The following FNDC3B variants were observed in gnomAD, a reference collection of about 807,000 sequenced individuals.
The protein encoded by FNDC3B is fibronectin type III domain containing 3B, also known as fibronectin type III domain-containing protein 3B.
Under a neutral mutation model 151.5 loss-of-function variants are expected in FNDC3B, and 12 were observed. The observed-to-expected ratio is 0.08, with a 90% CI of 0.05 to 0.13. The LOEUF (loss-of-function observed/expected upper bound fraction) is 0.13, where lower values mean the gene tolerates loss of function less well. FNDC3B is among the 10% of genes least tolerant of loss of function. The probability of loss-of-function intolerance (pLI) is 1.00; values close to 1 mark genes in which losing one functional copy is unlikely to be tolerated. For missense variants in FNDC3B, 1,214 were observed against 1,505.3 expected (o/e 0.81, Z 3.20); for synonymous variants, 528 against 549.0 (o/e 0.96, Z 0.54).
intron 24 of FNDC3B, 44 bp from the exon 25 acceptor site, chr3:172,380,922 G>T: frequency 2.5e-6 from 4 of 1,605,414 alleles, no homozygotes; most frequent in South Asian, 1.1e-5. Flanking sequence ...CTATTAACAT[G>T]ATACTTTGAA....
intron 3 of FNDC3B, among the ~76,000 whole-genome samples, chr3:172,175,708 C>T (rs1723547420): frequency 6.6e-6 from 1 of 151,984 alleles, no homozygotes. Flanking sequence ...CACAGAAAAC[C>T]CTAAATCTAA....
chr3:172,301,564 C>T (rs142217694), intron 9 of FNDC3B: 5 of 152,288 alleles, frequency 3.3e-5, no homozygotes, highest in Non-Finnish European at 5.9e-5. Flanking sequence ...TACTGGACAG[C>T]TGCAAAATAA....
At chr3:172,224,444 T>A (rs1159929410) in intron 3 of FNDC3B, among the ~76,000 whole-genome samples, 1 of 152,252 alleles carries the variant, frequency 6.6e-6, no homozygotes, top group Non-Finnish European at 1.5e-5. Context: ...GACCAGATAG[T>A]TGAGTGATTT....
intron 1 of FNDC3B, among the ~76,000 whole-genome samples, chr3:172,054,707 G>T (rs1276065425): frequency 6.6e-6 from 1 of 152,104 alleles, no homozygotes; most frequent in Non-Finnish European, 1.5e-5. Flanking sequence ...TGCTAAAAAT[G>T]CCCCTGAACA....
chr3:172,291,172 G>C (rs187378012), intron 7 of FNDC3B, among the ~76,000 whole-genome samples: 1 of 152,176 alleles, frequency 6.6e-6, no homozygotes, highest in Admixed American at 6.5e-5. Context: ...TATGGATTAC[G>C]TATCAAATAG....
At chr3:172,181,943 G>A (rs1406074395) in intron 3 of FNDC3B, among the ~76,000 whole-genome samples, 1 of 151,992 alleles carries the variant, frequency 6.6e-6, no homozygotes, top group East Asian at 1.9e-4. Flanking sequence ...ACAAATGAAG[G>A]ATGTACGTTA....
chr3:172,101,451 G>A (rs943803311), intron 1 of FNDC3B, among the ~76,000 whole-genome samples: 1 of 152,190 alleles, frequency 6.6e-6, no homozygotes, highest in East Asian at 1.9e-4. Flanking sequence ...CCACCACAAA[G>A]TGGGTACACA....
intron 3 of FNDC3B, among the ~76,000 whole-genome samples, chr3:172,226,361 A>G (rs868558821): frequency 1.3e-5 from 2 of 152,146 alleles, no homozygotes; most frequent in African/African-American, 2.4e-5. Context: ...TTGGTTTGGA[A>G]TAATTTAAGG....
chr3:172,162,663 T>C (rs1490530662), intron 3 of FNDC3B, among the ~76,000 whole-genome samples: 1 of 151,864 alleles, frequency 6.6e-6, no homozygotes, highest in African/African-American at 2.4e-5. Flanking sequence ...TACCTGGTTT[T>C]TTTTTTTTTT....
intron 25 of FNDC3B, among the ~76,000 whole-genome samples, chr3:172,389,133 A>G (rs56038024): frequency 0.058 from 8,858 of 152,330 alleles, 341 homozygotes; most frequent in Middle Eastern, 0.11. Context: ...TTAAAACCCC[A>G]TCAGTTTATA....
At chr3:172,299,428 T>C (rs1305315590) in intron 9 of FNDC3B, among the ~76,000 whole-genome samples, 2 of 152,164 alleles carry the variant, frequency 1.3e-5, no homozygotes, top group Non-Finnish European at 2.9e-5. Flanking sequence ...AGGAGGAAAG[T>C]GTTATCTGAA....
At chr3:172,184,127 A>C (rs1402504615) in intron 3 of FNDC3B, 1 of 152,214 alleles carries the variant, frequency 6.6e-6, no homozygotes, top group Admixed American at 6.5e-5. Flanking sequence ...TGCAGCTATT[A>C]AGAGCTATGA....
chr3:172,159,622 G>A (rs555494722), intron 3 of FNDC3B, among the ~76,000 whole-genome samples: 1 of 152,276 alleles, frequency 6.6e-6, no homozygotes, highest in African/African-American at 2.4e-5. Flanking sequence ...TATGAGTTAA[G>A]TAATTTGGTT....
At chr3:172,280,193 G>A (rs112113381) in intron 6 of FNDC3B, among the ~76,000 whole-genome samples, 5 of 152,120 alleles carry the variant, frequency 3.3e-5, no homozygotes, top group Admixed American at 3.3e-4. Context: ...GGGATTACCG[G>A]CATGAGCTAC....
At chr3:172,176,689 G>A (rs962215287) in intron 3 of FNDC3B, among the ~76,000 whole-genome samples, 2 of 152,200 alleles carry the variant, frequency 1.3e-5, no homozygotes, top group Admixed American at 6.5e-5. Flanking sequence ...ATCTGAAACT[G>A]TAGCTTAGTG....
At chr3:172,322,133 G>A (rs147966336) in intron 11 of FNDC3B, among the ~76,000 whole-genome samples, 58 of 152,264 alleles carry the variant, frequency 3.8e-4, no homozygotes, top group African/African-American at 1.3e-3. Context: ...ATTTGGACAG[G>A]GCACTGGGGA....
chr3:172,274,438 C>T (rs1038151786), intron 6 of FNDC3B, among the ~76,000 whole-genome samples: 2 of 151,896 alleles, frequency 1.3e-5, no homozygotes, highest in Non-Finnish European at 1.5e-5. Flanking sequence ...AGACTTGGAC[C>T]GAAAATCAGA....
chr3:172,183,488 G>A (rs946167513), intron 3 of FNDC3B, among the ~76,000 whole-genome samples: 5 of 152,154 alleles, frequency 3.3e-5, no homozygotes, highest in Non-Finnish European at 7.3e-5. Flanking sequence ...CCCATTTCTG[G>A]TTGTTGTTGG....
chr3:172,282,518 C>T (rs1390011267), intron 6 of FNDC3B, among the ~76,000 whole-genome samples: 1 of 152,174 alleles, frequency 6.6e-6, no homozygotes, highest in Non-Finnish European at 1.5e-5. Flanking sequence ...GTTTATTTGG[C>T]CCCATTCAAG....
Sources: gnomAD v4.1 joint callset for allele counts (sites outside exome capture counted in the v4.1 genomes callset) on GRCh38, gnomAD v4.1.1 for gene constraint, MANE v1.5 for transcripts, NCBI Gene and HGNC (gene_info 2026-07-23, HGNC 2026-07-21) for gene names.